DTX3L: variants seen among roughly 807,000 people sequenced by gnomAD.
The protein encoded by DTX3L is deltex E3 ubiquitin ligase 3L, also known as E3 ubiquitin-protein ligase DTX3L.
DTX3L carries 34 observed loss-of-function variants against 60.9 expected under a neutral mutation model. The observed-to-expected ratio is 0.56, with a 90% CI of 0.42 to 0.74. DTX3L has a LOEUF of 0.74. Among genes scored for constraint, DTX3L ranks in the 30% least tolerant of loss-of-function variants. The pLI, the probability that DTX3L is intolerant of heterozygous loss-of-function variation, is 0.00. For missense variants in DTX3L, 810 were observed against 874.0 expected (o/e 0.93, Z 0.92); for synonymous variants, 290 against 316.6 (o/e 0.92, Z 0.89).
At position 122,568,580 on chromosome 3, in the gene DTX3L, A is replaced by G; in HGVS notation, c.491A>G (p.Lys164Arg). 1 of 1,614,224 alleles carries G rather than the reference A, an allele frequency of 6.2e-7. No homozygotes were observed. The highest frequency in any genetic ancestry group is 8.5e-7 in the Non-Finnish European group (1 of 1,180,032). ...ACCACACTGTGCCCTAGTATCAGAA[A>G]AATGGAAGGTCACGATGGAATTGAG... is the stretch of plus-strand genomic sequence containing the variant. The part of the protein sequence containing the change: ...YITTLCPSIR[K>R]MEGHDGIEKV... The change falls in exon 3 of 5, where the codon AAA becomes AGA. Residue 164 changes from lysine to arginine, a missense_variant. Coordinates refer to ENST00000296161, the MANE Select transcript of DTX3L (RefSeq NM_138287.3).
chr3:122,571,791 A>C lies in DTX3L; in HGVS notation c.*44A>C. On this transcript the variant is annotated 3_prime_UTR_variant, in exon 5 of 5. Transcript: ENST00000296161. The stretch of plus-strand genomic sequence containing the variant: ...TCTTAAATCAAGCTTTCAAAAAAAT[A>C]TATTTTAGGAGGCTGATTTAATGCC... The C allele has an allele frequency of 6.6e-7, 1 of 1,525,402 alleles. No individual in the cohort carries two copies. Among genetic ancestry groups the C allele is most frequent in the Non-Finnish European group, 9.0e-7 (1 of 1,115,264 alleles). The allele number at this position is 1,525,402 out of a possible 1,614,324, so 94.5% of individuals were successfully genotyped here.
In DTX3L at chr3:122,571,917, C is replaced by CTT; in HGVS notation, c.*179_*180dup. Reference sequence around the variant, plus strand: ...CTAGTCTGTCATTTCTGGAGTGATACTTTTTTTTTTGAGACGGAGTCTGCT... The same window carrying CTT: ...CTAGTCTGTCATTTCTGGAGTGATACTTTTTTTTTTTTGAGACGGAGTCTGCT... On this transcript the variant is annotated 3_prime_UTR_variant, in exon 5 of 5. Transcript: ENST00000296161. 4.1e-5 allele frequency: 20 copies of CTT among 487,954 alleles called. No homozygotes were observed. Among genetic ancestry groups the CTT allele is most frequent in the East Asian group, 7.3e-5 (2 of 27,238 alleles). 30.2% of individuals were successfully genotyped at this position (487,954 alleles called of 1,614,324 possible).
chr3:122,570,868 A>C, intron 4 of DTX3L, among the ~76,000 whole-genome samples, 196 bp downstream of exon 4: 1 of 152,194 alleles, frequency 6.6e-6, no homozygotes, highest in East Asian at 1.9e-4. Flanking sequence ...ATAAAGTACT[A>C]TGGAGTTATT....
intron 1 of DTX3L, among the ~76,000 whole-genome samples, chr3:122,565,535 A>AGAAG (rs1458083066): frequency 2.9e-5 from 4 of 139,324 alleles, no homozygotes; most frequent in South Asian, 5.1e-4. Flanking sequence ...AAAAAAAAAA[A>AGAAG]GAAGGAAGGA....
At position 122,574,250 on chromosome 3, in the gene DTX3L, A is replaced by T. The variant is rs187448079; in HGVS notation, c.*2503A>T. Reference sequence around the variant, plus strand: ...TTTCAGCTCTTTACTAAGTCCCACCAATTCATGTTTTCACCCTTAAAATCT... The same window carrying T: ...TTTCAGCTCTTTACTAAGTCCCACCTATTCATGTTTTCACCCTTAAAATCT... On this transcript the variant is annotated 3_prime_UTR_variant, in exon 5 of 5. Coordinates refer to ENST00000296161, the MANE Select transcript of DTX3L (RefSeq NM_138287.3). The T allele has an allele frequency of 6.6e-6, 1 of 152,262 alleles. No homozygotes were observed. The highest frequency in any genetic ancestry group is 6.5e-5 in the Admixed American group (1 of 15,288). The allele number at this position is 152,262 out of a possible 1,614,324, so 9.4% of individuals were successfully genotyped here.
At chr3:122,571,589 G>T in intron 4 of DTX3L, 89 bp from the exon 5 acceptor site, 1 of 996,802 alleles carries the variant, frequency 1.0e-6, no homozygotes. Flanking sequence ...TTGCAACACT[G>T]GATATTAATT....
At position 122,573,714 on chromosome 3, in the gene DTX3L, A is replaced by AT. The variant is rs2080663866; in HGVS notation, c.*1968dup. Reference sequence around the variant, plus strand: ...TGCTTTCTGCTCCTTGTAAACTGCCATATTGGGTGCACTTGCCCTGCCACA... The same window carrying AT: ...TGCTTTCTGCTCCTTGTAAACTGCCATTATTGGGTGCACTTGCCCTGCCACA... On this transcript the variant is annotated 3_prime_UTR_variant, in exon 5 of 5. Coordinates refer to ENST00000296161, the MANE Select transcript of DTX3L (RefSeq NM_138287.3). The AT allele has an allele frequency of 6.6e-6, 1 of 152,218 alleles. No homozygotes were observed. The highest frequency in any genetic ancestry group is 6.5e-5 in the Admixed American group (1 of 15,282). The allele number at this position is 152,218 out of a possible 1,614,324, so 9.4% of individuals were successfully genotyped here.
In DTX3L at chr3:122,568,564, T is replaced by A; in HGVS notation, c.475T>A (p.Cys159Ser). 3.1e-6 allele frequency: 5 copies of A among 1,614,178 alleles called. No individual in the cohort carries two copies. The highest frequency in any genetic ancestry group is 4.2e-6 in the Non-Finnish European group (5 of 1,180,016). Residue 159 changes from cysteine to serine, a missense_variant, in exon 3 of 5, where the codon TGC (cysteine) becomes AGC (serine). By Grantham distance (112) the Cys-to-Ser change is moderately radical. Transcript: ENST00000296161. ...KEQRAYITTL[C>S]PSIRKMEGHD... ...GCAGAGGGCATACATAACCACACTG[T>A]GCCCTAGTATCAGAAAAATGGAAGG...
chr3:122,568,058 C>A (rs113390814), intron 2 of DTX3L, among the ~76,000 whole-genome samples: 102 of 152,256 alleles, frequency 6.7e-4, no homozygotes, highest in African/African-American at 2.4e-3. Context: ...GTCTGTAATC[C>A]CAGCACTTTG....
rs758821505 is a variant in DTX3L at position 122,568,713 on chromosome 3, G to A, written c.624G>A (p.Arg208=). 1.9e-6 allele frequency: 3 copies of A among 1,614,018 alleles called. No individual in the cohort carries two copies. Among genetic ancestry groups the A allele is most frequent in the Non-Finnish European group, 2.5e-6 (3 of 1,180,038 alleles). ...AATTTTCCCCTTCAATGACAGAGAGGAAGCCACTCAGTCAGCAGGAGAGGG... is the reference window on the plus strand; with the variant it reads ...AATTTTCCCCTTCAATGACAGAGAGAAAGCCACTCAGTCAGCAGGAGAGGG... ...KQQFSPSMTE[R]KPLSQQERDS... is the part of the protein sequence containing the mutation. The change falls in exon 3 of 5, where the codon AGG becomes AGA. Residue 208 remains arginine (R), a synonymous_variant. Coordinates refer to ENST00000296161, the MANE Select transcript of DTX3L (RefSeq NM_138287.3).
At chr3:122,571,095 T>A (rs1013488415) in intron 4 of DTX3L, among the ~76,000 whole-genome samples, 4 of 152,174 alleles carry the variant, frequency 2.6e-5, no homozygotes, top group African/African-American at 9.7e-5. Context: ...GTCTAAGTTG[T>A]GAGGAGACTA....
At chr3:122,568,452 G>A (rs747814971) in intron 2 of DTX3L, 37 bp from the exon 3 acceptor site, 1 of 1,517,468 alleles carries the variant, frequency 6.6e-7, no homozygotes, top group Non-Finnish European at 8.8e-7. Context: ...TGCATGCTGA[G>A]AGGTTTTATT....
intron 2 of DTX3L, among the ~76,000 whole-genome samples, chr3:122,567,474 T>C (rs1047216535): frequency 2.0e-5 from 3 of 152,190 alleles, no homozygotes; most frequent in African/African-American, 4.8e-5. Context: ...GATCTTAACA[T>C]GCAAAGTCCT....
Position 122,571,915 on chromosome 3 carries a change from T to C in DTX3L, c.*168T>C, listed in dbSNP as rs1017675893. On this transcript the variant is annotated 3_prime_UTR_variant, in exon 5 of 5. Transcript: ENST00000296161. ...TGCTAGTCTGTCATTTCTGGAGTGA[T>C]ACTTTTTTTTTTGAGACGGAGTCTG... 1.8e-6 allele frequency: 1 copy of C among 553,380 alleles called. No individual in the cohort carries two copies. The highest frequency in any genetic ancestry group is 1.9e-5 in the African/African-American group (1 of 53,012). 34.3% of individuals were successfully genotyped at this position (553,380 alleles called of 1,614,324 possible).
At chr3:122,570,267 G>A in intron 3 of DTX3L, 188 bp from the exon 4 acceptor site, 2 of 734,570 alleles carry the variant, frequency 2.7e-6, no homozygotes, top group Non-Finnish European at 4.4e-6. Context: ...GGGGTATCAG[G>A]AAGGTGGACA....
At chr3:122,571,139 T>C (rs755885451) in intron 4 of DTX3L, among the ~76,000 whole-genome samples, 27 of 152,198 alleles carry the variant, frequency 1.8e-4, no homozygotes, top group Admixed American at 5.2e-4. Flanking sequence ...AATCCAATTG[T>C]TCTTTATGAA....
Position 122,568,859 on chromosome 3 carries a change from TAGAGA to T in DTX3L, c.772_776del (p.Glu258LysfsTer7), listed in dbSNP as rs1438076723. On this transcript the variant is annotated frameshift_variant, in exon 3 of 5. Coordinates refer to ENST00000296161, the MANE Select transcript of DTX3L (RefSeq NM_138287.3). LOFTEE classifies it high-confidence loss of function. ...ATCTGTCCTGATAAAATCAACTCAA[TAGAGA>T]AAAGATTTGGTGTAAACATTGAAAT... 2 of 1,613,740 alleles carry T rather than the reference TAGAGA, an allele frequency of 1.2e-6. No homozygotes were observed. The highest frequency in any genetic ancestry group is 2.7e-5 in the African/African-American group (2 of 74,900).
At position 122,569,953 on chromosome 3, in the gene DTX3L, G is replaced by C. The variant is rs761540326; in HGVS notation, c.1864G>C (p.Asp622His). 6.2e-7 allele frequency: 1 copy of C among 1,614,012 alleles called. No homozygotes were observed. The highest frequency in any genetic ancestry group is 2.2e-5 in the East Asian group (1 of 44,894). ...AAGCATGGTTTTCACTGTTTCAAGAGACTCACTTCCAGGTTATGAGTCCTT... is the reference window on the plus strand; with the variant it reads ...AAGCATGGTTTTCACTGTTTCAAGACACTCACTTCCAGGTTATGAGTCCTT... ...EGSMVFTVSR[D>H]SLPGYESFGT... is the part of the protein sequence containing the mutation. The change falls in exon 3 of 5, where the codon GAC becomes CAC. Residue 622 changes from aspartate to histidine, a missense_variant. Physicochemically the swap from Asp to His is moderately conservative, Grantham distance 81. Transcript: ENST00000296161.
intron 4 of DTX3L, 72 bp downstream of exon 4, chr3:122,570,744 G>A: frequency 6.8e-7 from 1 of 1,480,832 alleles, no homozygotes; most frequent in Non-Finnish European, 9.4e-7. Context: ...ATTTCTGGAT[G>A]TGGATATAAG....
Sources: gnomAD v4.1 joint callset for allele counts (sites outside exome capture counted in the v4.1 genomes callset) on GRCh38, gnomAD v4.1.1 for gene constraint, MANE v1.5 for transcripts, NCBI Gene and HGNC (gene_info 2026-07-23, HGNC 2026-07-21) for gene names.